The following ERC2 variants were observed in gnomAD, a reference collection of about 807,000 sequenced individuals.
ERC2 encodes ELKS/RAB6-interacting/CAST family member 2.
ERC2 carries 42 observed loss-of-function variants against 114.8 expected under a neutral mutation model. The ratio of observed to expected loss-of-function variants is 0.37; its 90% CI spans 0.29 to 0.47. ERC2 has a LOEUF of 0.47. Among genes scored for constraint, ERC2 ranks in the 20% least tolerant of loss-of-function variants. The pLI is 0.99. For missense variants in ERC2, 939 were observed against 1,150.7 expected, an observed-to-expected ratio of 0.82 and a Z score of 2.66; for synonymous variants, 454 against 425.5, an observed-to-expected ratio of 1.07 and a Z score of -0.82.
intron 6 of ERC2, among the ~76,000 whole-genome samples, chr3:56,105,277 A>C (rs926494041): frequency 5.3e-5 from 8 of 152,034 alleles, no homozygotes; most frequent in Non-Finnish European, 1.0e-4. Context: ...ACTTTGGTTG[A>C]TATGGTCACT....
chr3:56,144,940 A>G (rs1272777870), intron 5 of ERC2, among the ~76,000 whole-genome samples: 6 of 152,172 alleles, frequency 3.9e-5, no homozygotes, highest in Non-Finnish European at 7.3e-5. Flanking sequence ...AATCGAACAT[A>G]CATGAGAACT....
intron 13 of ERC2, among the ~76,000 whole-genome samples, chr3:55,891,339 G>C (rs1211754209): frequency 6.6e-6 from 1 of 151,970 alleles, no homozygotes; most frequent in African/African-American, 2.4e-5. Flanking sequence ...ACATCACATA[G>C]GCAAAATATA....
intron 17 of ERC2, among the ~76,000 whole-genome samples, chr3:55,642,315 C>G (rs2060219509): frequency 6.7e-6 from 1 of 149,764 alleles, no homozygotes; most frequent in South Asian, 2.1e-4. Flanking sequence ...CCACAGATCA[C>G]AGCTTTTTTT....
intron 2 of ERC2, among the ~76,000 whole-genome samples, chr3:56,347,421 G>A (rs2150512762): frequency 6.6e-6 from 1 of 152,106 alleles, no homozygotes; most frequent in East Asian, 1.9e-4. Context: ...GGAGGCTGGA[G>A]GAGGAAGGCT....
intron 10 of ERC2, among the ~76,000 whole-genome samples, chr3:55,997,901 TTTTTTTGTGTGTGTGTGTGTGTTTTTTG>T (rs2071680123): frequency 3.9e-5 from 2 of 50,764 alleles, no homozygotes; most frequent in African/African-American, 6.3e-5. Flanking sequence ...TTTTTTTTTT[TTTTTTTGTGTGTGTGTGTGTGTTTTTTG>T]TTTTTTTTTT....
intron 14 of ERC2, among the ~76,000 whole-genome samples, chr3:55,858,356 G>A (rs941264714): frequency 2.0e-4 from 30 of 152,248 alleles, no homozygotes; most frequent in African/African-American, 7.2e-4. Flanking sequence ...ATGCTGGCAG[G>A]AGAAATGGAT....
chr3:56,313,636 A>G (rs2056727976), intron 2 of ERC2, among the ~76,000 whole-genome samples: 1 of 152,218 alleles, frequency 6.6e-6, no homozygotes, highest in Admixed American at 6.5e-5. Context: ...AGTACGCAGC[A>G]TGAATCTCTG....
chr3:55,993,270 T>C (rs1200321315), intron 10 of ERC2, among the ~76,000 whole-genome samples: 4 of 152,146 alleles, frequency 2.6e-5, no homozygotes, highest in African/African-American at 4.8e-5. Flanking sequence ...ATCTCCAAAA[T>C]CCATGGGTGA....
chr3:55,841,815 A>G (rs1353922426), intron 14 of ERC2, among the ~76,000 whole-genome samples: 1 of 152,188 alleles, frequency 6.6e-6, no homozygotes, highest in Non-Finnish European at 1.5e-5. Context: ...AAACTCAAGG[A>G]AGGCCGCATA....
intron 2 of ERC2, among the ~76,000 whole-genome samples, chr3:56,397,364 A>G (rs1209020405): frequency 6.9e-6 from 1 of 144,608 alleles, no homozygotes; most frequent in Non-Finnish European, 1.5e-5. Context: ...AAAAAAAAAA[A>G]AGAAGAAGAA....
chr3:55,768,939 G>C (rs1007755506), intron 14 of ERC2, among the ~76,000 whole-genome samples: 6 of 152,176 alleles, frequency 3.9e-5, no homozygotes, highest in African/African-American at 4.8e-5. Context: ...CCACTGTGTG[G>C]ATAGATCTTA....
At chr3:55,530,691 G>A (rs995584687) in intron 17 of ERC2, among the ~76,000 whole-genome samples, 3 of 152,188 alleles carry the variant, frequency 2.0e-5, no homozygotes, top group Admixed American at 6.5e-5. Flanking sequence ...CGTTAGGCTG[G>A]GGCCTCAAGA....
chr3:55,871,889 A>T (rs1397632314), intron 14 of ERC2, among the ~76,000 whole-genome samples: 1 of 152,216 alleles, frequency 6.6e-6, no homozygotes, highest in African/African-American at 2.4e-5. Context: ...AAAGGTCTTC[A>T]TTAGAATTCA....
chr3:56,351,550 C>G (rs1228525488), intron 2 of ERC2, among the ~76,000 whole-genome samples: 5 of 151,950 alleles, frequency 3.3e-5, no homozygotes, highest in African/African-American at 7.3e-5. Context: ...AACTAACAAC[C>G]CAGAAAACTA....
At chr3:55,783,308 A>G (rs927046756) in intron 14 of ERC2, among the ~76,000 whole-genome samples, 1 of 152,184 alleles carries the variant, frequency 6.6e-6, no homozygotes, top group African/African-American at 2.4e-5. Context: ...CCTGGGCCTC[A>G]GTTTCTCCAT....
intron 3 of ERC2, among the ~76,000 whole-genome samples, chr3:56,290,296 A>G (rs1275569499): frequency 2.0e-5 from 3 of 152,216 alleles, no homozygotes; most frequent in African/African-American, 7.2e-5. Flanking sequence ...TATTTTTAAC[A>G]AATTTTTCAC....
chr3:55,560,933 A>G (rs2055971799), intron 17 of ERC2, among the ~76,000 whole-genome samples: 1 of 152,128 alleles, frequency 6.6e-6, no homozygotes, highest in African/African-American at 2.4e-5. Flanking sequence ...AGCCCCTAAT[A>G]TTCCTTTAGT....
At chr3:55,958,359 G>A (rs2068110873) in intron 12 of ERC2, among the ~76,000 whole-genome samples, 1 of 152,172 alleles carries the variant, frequency 6.6e-6, no homozygotes, top group African/African-American at 2.4e-5. Flanking sequence ...GGGAGAAAGT[G>A]CATGCTGATT....
At position 56,268,372 on chromosome 3, in the gene ERC2, C is replaced by T. The variant is rs140714118; in HGVS notation, c.1074+27647G>A. 4.7e-4 allele frequency among the ~76,000 whole-genome samples: 72 copies of T among 152,246 alleles called. No individual in the cohort carries two copies. The Middle Eastern group carries it at 0.01, about 22-fold the overall frequency. Reference sequence around the variant, plus strand: ...ATTGCCTAAAACGCATTTCTTAGAACGTATCCCCATCGTTAAGCAACACAT... The same window carrying T: ...ATTGCCTAAAACGCATTTCTTAGAATGTATCCCCATCGTTAAGCAACACAT... On this transcript the variant is annotated intron_variant, in intron 3 of 17. Transcript: ENST00000288221.
Sources: gnomAD v4.1 joint callset for allele counts (sites outside exome capture counted in the v4.1 genomes callset) on GRCh38, gnomAD v4.1.1 for gene constraint, MANE v1.5 for transcripts, NCBI Gene and HGNC (gene_info 2026-07-23, HGNC 2026-07-21) for gene names.